Variants in A1BG observed in about 807,000 individuals in gnomAD.
The protein encoded by A1BG is alpha-1-B glycoprotein, also known as alpha-1B-glycoprotein.
A neutral mutation model predicts 46.0 loss-of-function variants in A1BG; 44 were observed. That is an observed-to-expected ratio of 0.96 (90% confidence interval 0.75 to 1.23). The LOEUF (loss-of-function observed/expected upper bound fraction) is 1.23, where lower values mean the gene tolerates loss of function less well. A1BG is among the 50% of genes most tolerant of loss of function. The pLI is 0.00. For synonymous variants in A1BG, 316 were observed against 314.7 expected, an observed-to-expected ratio of 1.00 and a Z score of -0.04; for missense variants, 707 against 688.8, an observed-to-expected ratio of 1.03 and a Z score of -0.30.
At chr19:58,353,255 T>C (rs748295749) in intron 2 of A1BG, 37 bp downstream of exon 2, 24 of 1,613,556 alleles carry the variant, frequency 1.5e-5, no homozygotes, top group Non-Finnish European at 2.0e-5. Flanking sequence ...CCCCCCGGCC[T>C]GGGCCCACCA....
In A1BG at chr19:58,347,498, C is replaced by G. The variant is rs1262412839; in HGVS notation, c.1335G>C (p.Thr445=). 1 of 1,593,966 alleles carries G rather than the reference C, an allele frequency of 6.3e-7. No homozygotes were observed. Among genetic ancestry groups the G allele is most frequent in the Admixed American group, 1.7e-5 (1 of 58,330 alleles). ...TCGCCGCGGCCCCGGGGGTGCGGAC[C>G]GTCTTCACGGCCTTCGTCTCGCCCT... The part of the protein sequence containing the change: ...LREGETKAVK[T]VRTPGAAANL... Residue 445 remains threonine (T), a synonymous_variant, in exon 7 of 8, where the codon ACG becomes ACC. Transcript: ENST00000263100.
intron 6 of A1BG, chr19:58,348,496 G>C (rs1320954339): frequency 2.6e-5 from 4 of 152,270 alleles, no homozygotes. Flanking sequence ...TCAATAGTTT[G>C]AGTATCTTGC....
intron 4 of A1BG, chr19:58,351,971 T>G: frequency 1.1e-6 from 1 of 892,534 alleles, no homozygotes; most frequent in Non-Finnish European, 1.6e-6. Flanking sequence ...AATTTTTGTA[T>G]TTTTAGTAGA....
chr19:58,352,846 T>A (rs1368975376), intron 3 of A1BG, 82 bp downstream of exon 3: 12 of 1,516,858 alleles, frequency 7.9e-6, no homozygotes, highest in Non-Finnish European at 9.7e-6. Context: ...CTCAGAGACA[T>A]CGGGTGACTT....
At position 58,353,130 on chromosome 19, in the gene A1BG, C is replaced by T. The variant is rs780618307; in HGVS notation, c.138G>A (p.Thr46=). The T allele has an allele frequency of 8.7e-6, 14 of 1,614,024 alleles. No individual in the cohort carries two copies. The highest frequency in any genetic ancestry group is 1.7e-5 in the Admixed American group (1 of 59,998). Residue 46 remains threonine, a synonymous_variant, in exon 3 of 8, where the codon ACG becomes ACA. Coordinates refer to ENST00000263100, the MANE Select transcript of A1BG (RefSeq NM_130786.4). ...TCTCCAGGTGGGCCTGGCACGTCAG[C>T]GTCACATTGGCCAAGGGTTTCAGCA... ...ESLLKPLANV[T]LTCQAHLETP...
chr19:58,347,600 C>T lies in A1BG; in HGVS notation c.1233G>A (p.Gly411=). Residue 411 remains glycine (G), a synonymous_variant, in exon 7 of 8, where the codon GGG becomes GGA. Coordinates refer to ENST00000263100, the MANE Select transcript of A1BG (RefSeq NM_130786.4). The part of the protein sequence containing the change: ...PRPQLRATWS[G]AVLAGRDAVL... ...CGGCATCTCGGCCCGCCAGGACCGC[C>T]CCACTCCACGTCGCCCGGAGCTGAG... 2.7e-6 allele frequency: 4 copies of T among 1,498,910 alleles called. No individual in the cohort carries two copies. The highest frequency in any genetic ancestry group is 3.5e-6 in the Non-Finnish European group (4 of 1,129,466). The allele number at this position is 1,498,910 out of a possible 1,614,324, so 92.9% of individuals were successfully genotyped here. A position where few individuals can be genotyped will look rare whatever the true frequency, so the allele number is the denominator to read the frequency against.
chr19:58,347,637 G>T lies in A1BG; in HGVS notation c.1196C>A (p.Pro399His). Residue 399 changes from proline (P) to histidine (H), a missense_variant, in exon 7 of 8, where the codon CCC becomes CAC. Physicochemically the swap from Pro to His is moderately conservative, Grantham distance 77. Transcript: ENST00000263100. ...CGCCCGGAGCTGAGGCCTGGGAGGG[G>T]GTCCTGGGCGGAGCGGGCGGGTGGT... ...SERLELHVDG[P>H]PPRPQLRATW... is the part of the protein sequence containing the mutation. 1.4e-6 allele frequency: 2 copies of T among 1,411,988 alleles called. No individual in the cohort carries two copies. The highest frequency in any genetic ancestry group is 2.9e-5 in the East Asian group (1 of 34,646). The allele number at this position is 1,411,988 out of a possible 1,614,324, so 87.5% of individuals were successfully genotyped here. A position where few individuals can be genotyped will look rare whatever the true frequency, so the allele number is the denominator to read the frequency against.
chr19:58,352,516 G>C lies in A1BG; in HGVS notation c.380C>G (p.Ser127Cys). 6.2e-7 allele frequency: 1 copy of C among 1,612,186 alleles called. No homozygotes were observed. Among genetic ancestry groups the C allele is most frequent in the African/African-American group, 1.3e-5 (1 of 75,012 alleles). ...TGTTTTCAGGCCGGGGGTGATCCAG[G>C]ACACTGGCGCCATCGAGAGCCAGGG... The part of the protein sequence containing the change: ...PAPWLSMAPV[S>C]WITPGLKTTA... Residue 127 changes from serine (S) to cysteine (C), a missense_variant, in exon 4 of 8, where the codon TCC (serine) becomes TGC (cysteine). By Grantham distance (112) the Ser-to-Cys change is moderately radical (BLOSUM62 -1). Transcript: ENST00000263100.
chr19:58,350,388 A>G lies in A1BG; in HGVS notation c.1174T>C (p.Leu392=). ...AGCTCACCGTCCACGTGCAGCTCCA[A>G]GCGCTCGCTGGGCGCGGAGCCCCCG... is the stretch of plus-strand genomic sequence containing the variant. ...PFGGSAPSER[L]ELHVDGPPPR... The change falls in exon 6 of 8, where the codon TTG becomes CTG. Residue 392 remains leucine, a synonymous_variant. Coordinates refer to ENST00000263100, the MANE Select transcript of A1BG (RefSeq NM_130786.4). 6.5e-7 allele frequency: 1 copy of G among 1,548,088 alleles called. No homozygotes were observed. The highest frequency in any genetic ancestry group is 8.7e-7 in the Non-Finnish European group (1 of 1,145,540).
At chr19:58,349,617 C>T (rs957342096) in intron 6 of A1BG, 1 of 149,702 alleles carries the variant, frequency 6.7e-6, no homozygotes, top group Non-Finnish European at 1.5e-5. Flanking sequence ...CACCACTGCA[C>T]TCCGGCCTGC....
chr19:58,350,177 G>A, intron 6 of A1BG, 193 bp downstream of exon 6: 1 of 725,630 alleles, frequency 1.4e-6, no homozygotes, highest in Non-Finnish European at 2.1e-6. Flanking sequence ...TGCGTCCGTG[G>A]GAAATAAGCC....
chr19:58,348,992 G>A (rs2051934596), intron 6 of A1BG: 1 of 152,134 alleles, frequency 6.6e-6, no homozygotes, highest in Non-Finnish European at 1.5e-5. Context: ...GGAGTCATAG[G>A]ATATAGATGT....
At position 58,350,314 on chromosome 19, in the gene A1BG, A is replaced by G. The variant is rs1355547484; in HGVS notation, c.1192+56T>C. 9 of 1,477,722 alleles carry G rather than the reference A, an allele frequency of 6.1e-6. No individual in the cohort carries two copies. In the Admixed American group the frequency reaches 1.7e-4, roughly 27 times the overall value. The allele number at this position is 1,477,722 out of a possible 1,614,324, so 91.5% of individuals were successfully genotyped here. On this transcript the variant is annotated intron_variant, in intron 6 of 7. Coordinates refer to ENST00000263100, the MANE Select transcript of A1BG (RefSeq NM_130786.4). ...CCCAAGGAAAGAGGGGAAAGACAGG[A>G]GGCCCCGAGGGGCACTGAACCCGCG...
rs1014895724 is a variant in A1BG, at chr19:58,347,545, C to T, written c.1288G>A (p.Val430Ile). The change falls in exon 7 of 8, where the codon GTC becomes ATC. Residue 430 changes from valine (V) to isoleucine (I), a missense_variant. By Grantham distance (29) the Val-to-Ile change is conservative. Coordinates refer to ENST00000263100, the MANE Select transcript of A1BG (RefSeq NM_130786.4). Reference sequence around the variant, plus strand: ...CCCTCGCGCAGCAGCTCGAAGGTGACGTCGGGGATGGGTCCCTCGCAGCGC... The same window carrying T: ...CCCTCGCGCAGCAGCTCGAAGGTGATGTCGGGGATGGGTCCCTCGCAGCGC... ...VLRCEGPIPD[V>I]TFELLREGET... The T allele has an allele frequency of 1.9e-6, 3 of 1,569,376 alleles. No homozygotes were observed. Among genetic ancestry groups the T allele is most frequent in the Non-Finnish European group, 2.6e-6 (3 of 1,159,990 alleles).
chr19:58,352,826 G>C (rs908267408), intron 3 of A1BG, 102 bp downstream of exon 3: 3 of 1,470,512 alleles, frequency 2.0e-6, no homozygotes, highest in South Asian at 2.7e-5. Flanking sequence ...GGGAAGATTG[G>C]GGCTTGGGGC....
rs755735308 is a variant in A1BG, at chr19:58,347,522, C to T, written c.1311G>A (p.Glu437=). The T allele has an allele frequency of 1.3e-6, 2 of 1,581,812 alleles. No individual in the cohort carries two copies. The highest frequency in any genetic ancestry group is 8.6e-7 in the Non-Finnish European group (1 of 1,163,744). ...CCGTCTTCACGGCCTTCGTCTCGCC[C>T]TCGCGCAGCAGCTCGAAGGTGACGT... ...IPDVTFELLR[E]GETKAVKTVR... Residue 437 remains glutamate (E), a synonymous_variant, in exon 7 of 8, where the codon GAG becomes GAA. Transcript: ENST00000263100.
At position 58,351,398 on chromosome 19, in the gene A1BG, C is replaced by T; in HGVS notation, c.903G>A (p.Leu301=). The T allele has an allele frequency of 1.2e-6, 2 of 1,610,538 alleles. No individual in the cohort carries two copies. The highest frequency in any genetic ancestry group is 1.7e-6 in the Non-Finnish European group (2 of 1,179,878). ...SGDSAPVELI[L]SDETLPAPEF... ...CTGCTGGCCCCGGCTCACCATCGCT[C>T]AGAATCAGCTCGACCGGCGCGCTGT... The change falls in exon 5 of 8, where the codon CTG becomes CTA. Residue 301 remains leucine (L), a synonymous_variant. Coordinates refer to ENST00000263100, the MANE Select transcript of A1BG (RefSeq NM_130786.4).
Position 58,346,766 on chromosome 19 carries a change from C to T in A1BG, c.*256G>A, listed in dbSNP as rs1055111938. On this transcript the variant is annotated 3_prime_UTR_variant, in exon 8 of 8. Transcript: ENST00000263100. ...ACTGTGCTCTTAAGAGCCAGTTCTCCACTCCTCTACCTCAGGAGCCACCCC... is the reference window on the plus strand; with the variant it reads ...ACTGTGCTCTTAAGAGCCAGTTCTCTACTCCTCTACCTCAGGAGCCACCCC... 7 of 598,464 alleles carry T rather than the reference C, an allele frequency of 1.2e-5. No homozygotes were observed. Among genetic ancestry groups the T allele is most frequent in the Non-Finnish European group, 2.1e-5 (7 of 333,582 alleles). The allele number at this position is 598,464 out of a possible 1,614,324, so 37.1% of individuals were successfully genotyped here.
intron 6 of A1BG, among the ~76,000 whole-genome samples, chr19:58,349,378 C>G (rs565136419): frequency 1.3e-5 from 2 of 152,044 alleles, no homozygotes; most frequent in East Asian, 3.9e-4. Context: ...ATAGGCTGGG[C>G]ATGGTGACTC....
Sources: allele counts gnomAD v4.1 joint callset (sites outside exome capture counted in the v4.1 genomes callset), GRCh38; gene constraint gnomAD v4.1.1; transcripts MANE v1.5; gene names NCBI Gene and HGNC (gene_info 2026-07-23, HGNC 2026-07-21).